IFIH1: variants seen among roughly 807,000 people sequenced by gnomAD.
IFIH1 encodes the protein interferon-induced helicase C domain-containing protein 1.
In IFIH1, 125 loss-of-function variants were observed where a neutral mutation model predicts 107.4. The observed-to-expected ratio is 1.16, with a 90% CI of 1.01 to 1.35. IFIH1 has a LOEUF of 1.35. Among genes scored for constraint, IFIH1 ranks in the 40% most tolerant of loss-of-function variants. The probability of loss-of-function intolerance (pLI) is 0.00; values close to 1 mark genes in which losing one functional copy is unlikely to be tolerated. For missense variants in IFIH1, 1,333 were observed against 1,213.7 expected, an observed-to-expected ratio of 1.10 and a Z score of -1.46; for synonymous variants, 458 against 413.2, an observed-to-expected ratio of 1.11 and a Z score of -1.31.
chr2:162,281,609 T>G, intron 6 of IFIH1, 64 bp from the exon 7 acceptor site: 1 of 1,232,554 alleles, frequency 8.1e-7, no homozygotes, highest in South Asian at 1.4e-5. Context: ...AAAATAGCTT[T>G]AGACCAGTAA....
intron 2 of IFIH1, among the ~76,000 whole-genome samples, chr2:162,308,781 A>G (rs1683335901): frequency 6.6e-6 from 1 of 152,210 alleles, no homozygotes. Flanking sequence ...CATCTGTAGC[A>G]TTTTACCATT....
intron 9 of IFIH1, 131 bp from the exon 10 acceptor site, chr2:162,277,824 C>T: frequency 1.8e-6 from 2 of 1,098,630 alleles, no homozygotes; most frequent in East Asian, 2.6e-5. Flanking sequence ...CAAGTTAAGG[C>T]TCAAAATGTG....
chr2:162,314,419 T>TTTC (rs1558877465), intron 1 of IFIH1, among the ~76,000 whole-genome samples: 1 of 38,334 alleles, frequency 2.6e-5, no homozygotes, highest in Admixed American at 2.3e-4. Context: ...TTCTTTCTTT[T>TTTC]CTTTCTTTCT....
intron 10 of IFIH1, 104 bp downstream of exon 10, chr2:162,277,311 T>C: frequency 2.4e-6 from 2 of 832,404 alleles, no homozygotes; most frequent in Non-Finnish European, 3.8e-6. Context: ...GTGGGATTTC[T>C]TCTTTCAAAA....
chr2:162,271,231 C>G (rs1401374702), intron 13 of IFIH1, among the ~76,000 whole-genome samples: 6 of 152,068 alleles, frequency 3.9e-5, no homozygotes, highest in Non-Finnish European at 7.4e-5. Context: ...TCTAAGAGAC[C>G]TTCCTCAACC....
At chr2:162,315,679 G>C (rs1462008914) in intron 1 of IFIH1, among the ~76,000 whole-genome samples, 2 of 152,200 alleles carry the variant, frequency 1.3e-5, no homozygotes, top group Non-Finnish European at 2.9e-5. Flanking sequence ...ATAGTAAGAA[G>C]CCAAGATGGA....
intron 8 of IFIH1, among the ~76,000 whole-genome samples, chr2:162,279,450 T>C (rs1682768292): frequency 6.6e-6 from 1 of 152,136 alleles, no homozygotes; most frequent in Non-Finnish European, 1.5e-5. Flanking sequence ...AATGTCCAAA[T>C]TGACTCTCAG....
chr2:162,272,423 A>G, intron 12 of IFIH1, 36 bp from the exon 13 acceptor site: 1 of 1,573,962 alleles, frequency 6.4e-7, no homozygotes, highest in Non-Finnish European at 8.7e-7. Flanking sequence ...ATGAAAGGGT[A>G]CGTTGTGATA....
At chr2:162,279,963 T>C in intron 8 of IFIH1, 33 bp downstream of exon 8, 3 of 1,073,106 alleles carry the variant, frequency 2.8e-6, no homozygotes, top group Non-Finnish European at 4.4e-6. Context: ...TGTAGTATTG[T>C]CAATCAATAG....
intron 2 of IFIH1, 49 bp from the exon 3 acceptor site, chr2:162,306,904 T>G (rs1462196032): frequency 6.5e-7 from 1 of 1,530,698 alleles, no homozygotes. Context: ...TACAAGTTTT[T>G]GTAGAGCATA....
At position 162,282,349 on chromosome 2, in the gene IFIH1, T is replaced by G. The variant is rs934810663; in HGVS notation, c.1306+17A>C. ...ATTACTATTAATTTTTTTAAAAAAA[T>G]AAACACTTAAACTGACCTGACAATT... On this transcript the variant is annotated intron_variant, in intron 6 of 15. Coordinates refer to ENST00000649979, the MANE Select transcript of IFIH1 (RefSeq NM_022168.4). 6.6e-7 allele frequency: 1 copy of G among 1,524,512 alleles called. No homozygotes were observed. 94.4% of individuals were successfully genotyped at this position (1,524,512 alleles called of 1,614,324 possible). A position where few individuals can be genotyped will look rare whatever the true frequency, so the allele number is the denominator to read the frequency against.
At chr2:162,277,764 A>G in intron 9 of IFIH1, 71 bp from the exon 10 acceptor site, 1 of 1,498,628 alleles carries the variant, frequency 6.7e-7, no homozygotes, top group Non-Finnish European at 8.9e-7. Context: ...CATGGACTTG[A>G]ATATATGTTA....
At chr2:162,270,475 A>G (rs1308173951) in intron 13 of IFIH1, among the ~76,000 whole-genome samples, 1 of 152,206 alleles carries the variant, frequency 6.6e-6, no homozygotes, top group Admixed American at 6.5e-5. Context: ...GGCTTTGAAC[A>G]GATTACTGGT....
chr2:162,296,403 C>G (rs184125742), intron 3 of IFIH1, among the ~76,000 whole-genome samples: 1 of 152,244 alleles, frequency 6.6e-6, no homozygotes, highest in African/African-American at 2.4e-5. Context: ...ATTTTAATCT[C>G]TCAACATTCT....
At chr2:162,300,720 A>C (rs1346099959) in intron 3 of IFIH1, among the ~76,000 whole-genome samples, 1 of 152,242 alleles carries the variant, frequency 6.6e-6, no homozygotes, top group African/African-American at 2.4e-5. Context: ...CTCTTACTTC[A>C]AACCAGTCCT....
intron 14 of IFIH1, 111 bp from the exon 15 acceptor site, chr2:162,267,680 G>A (rs1012716953): frequency 1.5e-5 from 12 of 783,008 alleles, no homozygotes; most frequent in South Asian, 7.7e-5. Context: ...TATTCTACAC[G>A]GCATTCCTTC....
At chr2:162,267,635 G>A in intron 14 of IFIH1, 66 bp from the exon 15 acceptor site, 1 of 1,169,670 alleles carries the variant, frequency 8.5e-7, no homozygotes, top group Non-Finnish European at 1.3e-6. Context: ...TAGTTCATGG[G>A]TTATTGGACC....
In IFIH1 at chr2:162,318,194, C is replaced by G; in HGVS notation, c.114G>C (p.Leu38=). Residue 38 remains leucine, a synonymous_variant, in exon 1 of 16, where the codon CTG becomes CTC. Coordinates refer to ENST00000649979, the MANE Select transcript of IFIH1 (RefSeq NM_022168.4). ...GAATCTGCTCCTTCACCTCTGCAGG[C>G]AGAAAGGTCAGGTAGTCCAGCACAG... ...VEPVLDYLTF[L]PAEVKEQIQR... The G allele has an allele frequency of 6.2e-7, 1 of 1,614,210 alleles. No individual in the cohort carries two copies. The highest frequency in any genetic ancestry group is 8.5e-7 in the Non-Finnish European group (1 of 1,180,032).
chr2:162,299,025 T>A (rs1683146704), intron 3 of IFIH1, among the ~76,000 whole-genome samples: 1 of 152,244 alleles, frequency 6.6e-6, no homozygotes, highest in South Asian at 2.1e-4. Context: ...GAATTTCTAC[T>A]GCTGAAATGT....
Sources: allele counts gnomAD v4.1 joint callset (sites outside exome capture counted in the v4.1 genomes callset), GRCh38; gene constraint gnomAD v4.1.1; transcripts MANE v1.5; gene names NCBI Gene and HGNC (gene_info 2026-07-23, HGNC 2026-07-21).